The following TMEM132D variants were observed in gnomAD, a reference collection of about 807,000 sequenced individuals.
The protein encoded by TMEM132D is mature OL transmembrane protein.
Under a neutral mutation model 62.3 loss-of-function variants are expected in TMEM132D, and 21 were observed. The observed-to-expected ratio is 0.34, with a 90% CI of 0.24 to 0.49. The LOEUF is 0.49. Ranked by LOEUF, TMEM132D falls within the 20% of genes least tolerant of loss-of-function variation. The pLI, the probability that TMEM132D is intolerant of heterozygous loss-of-function variation, is 0.99. For missense variants in TMEM132D, 1,346 were observed against 1,402.8 expected (o/e 0.96, Z 0.65); for synonymous variants, 621 against 575.6 (o/e 1.08, Z -1.13).
chr12:129,163,859 T>A (rs575826001), intron 5 of TMEM132D, among the ~76,000 whole-genome samples: 6 of 152,350 alleles, frequency 3.9e-5, no homozygotes, highest in African/African-American at 1.4e-4. Flanking sequence ...TAATCCAGGC[T>A]TATCTTGTTT....
At position 129,303,939 on chromosome 12, in the gene TMEM132D, G is replaced by C. The variant is rs959635661; in HGVS notation, c.1299+33695C>G. On this transcript the variant is annotated intron_variant, in intron 4 of 8. Coordinates refer to ENST00000422113, the MANE Select transcript of TMEM132D (RefSeq NM_133448.3). ...GAAGTCCCAGCTCAAGAAGACAGAG[G>C]GGAAATTCACCCTGCCTCCACCTTT... is the stretch of plus-strand genomic sequence containing the variant. Among the ~76,000 whole-genome samples the C allele has an allele frequency of 2.0e-5, 3 of 152,120 alleles. No homozygotes were observed. The East Asian group carries it at 5.8e-4, about 29-fold the overall frequency.
At position 129,079,649 on chromosome 12, in the gene TMEM132D, T is replaced by C. The variant is rs574841056; in HGVS notation, c.1924-924A>G. ...TTCAAGTTTTTGGTGATATTTATGA[T>C]GTAGGTCAAGACAGCAGTTTTCCCA... On this transcript the variant is annotated intron_variant, in intron 7 of 8. Transcript: ENST00000422113. 4.6e-5 allele frequency among the ~76,000 whole-genome samples: 7 copies of C among 152,308 alleles called. No individual in the cohort carries two copies. In the East Asian group the frequency reaches 7.7e-4, roughly 17 times the overall value.
At chr12:129,318,813 G>A (rs1593335405) in intron 4 of TMEM132D, among the ~76,000 whole-genome samples, 1 of 152,292 alleles carries the variant, frequency 6.6e-6, no homozygotes, top group East Asian at 1.9e-4. Context: ...TGCTATGGGG[G>A]ATGGAGGTGA....
intron 3 of TMEM132D, among the ~76,000 whole-genome samples, chr12:129,438,965 T>C (rs1872866264): frequency 6.6e-6 from 1 of 152,230 alleles, no homozygotes; most frequent in Admixed American, 6.5e-5. Flanking sequence ...TGCAATTCTC[T>C]GCAGGATCAC....
intron 5 of TMEM132D, among the ~76,000 whole-genome samples, chr12:129,097,820 C>CA (rs777430171): frequency 6.6e-6 from 1 of 152,332 alleles, no homozygotes; most frequent in Non-Finnish European, 1.5e-5. Context: ...ATTCTTATGT[C>CA]AAAAACACAT....
chr12:129,448,549 C>T (rs962235178), intron 3 of TMEM132D, among the ~76,000 whole-genome samples: 7 of 152,186 alleles, frequency 4.6e-5, no homozygotes, highest in South Asian at 4.1e-4. Flanking sequence ...CTGCAAAGGA[C>T]TTGATTCTCG....
chr12:129,844,552 G>A (rs1328734726), intron 1 of TMEM132D, among the ~76,000 whole-genome samples: 1 of 152,134 alleles, frequency 6.6e-6, no homozygotes, highest in Non-Finnish European at 1.5e-5. Context: ...AAGCTCATCG[G>A]GTTTAAAAGA....
chr12:129,124,075 T>C (rs1383171103), intron 5 of TMEM132D, among the ~76,000 whole-genome samples: 1 of 152,186 alleles, frequency 6.6e-6, no homozygotes, highest in Non-Finnish European at 1.5e-5. Context: ...TCTGCTTCTC[T>C]GGAGAACCCC....
intron 2 of TMEM132D, among the ~76,000 whole-genome samples, chr12:129,671,009 A>T (rs150934588): frequency 1.7e-4 from 26 of 152,358 alleles, no homozygotes; most frequent in African/African-American, 5.5e-4. Context: ...AGCTTTTGTT[A>T]AAAAATCTTG....
chr12:129,369,379 T>TA (rs1011676533), intron 3 of TMEM132D, among the ~76,000 whole-genome samples: 4 of 144,506 alleles, frequency 2.8e-5, no homozygotes, highest in South Asian at 2.2e-4. Flanking sequence ...TTTTTTTTTT[T>TA]AAATTAATTC....
intron 3 of TMEM132D, among the ~76,000 whole-genome samples, chr12:129,528,201 C>A (rs1156973920): frequency 1.3e-5 from 2 of 152,144 alleles, no homozygotes; most frequent in Non-Finnish European, 2.9e-5. Context: ...AACATCTACT[C>A]TATAATCCAT....
At chr12:129,580,962 GACA>G (rs1412769192) in intron 2 of TMEM132D, among the ~76,000 whole-genome samples, 1 of 152,098 alleles carries the variant, frequency 6.6e-6, no homozygotes, top group Non-Finnish European at 1.5e-5. Flanking sequence ...GCAATGCACG[GACA>G]ACATTACTGG....
chr12:129,616,293 C>T (rs1248720367), intron 2 of TMEM132D, among the ~76,000 whole-genome samples: 1 of 152,130 alleles, frequency 6.6e-6, no homozygotes, highest in African/African-American at 2.4e-5. Flanking sequence ...TATTTGCTTA[C>T]ATGAAACCCA....
At chr12:129,278,898 A>T (rs1341856962) in intron 4 of TMEM132D, among the ~76,000 whole-genome samples, 1 of 152,140 alleles carries the variant, frequency 6.6e-6, no homozygotes, top group Non-Finnish European at 1.5e-5. Flanking sequence ...ATAGGCCTGG[A>T]TGGGGCCAAG....
chr12:129,167,349 C>T (rs1322245021), intron 5 of TMEM132D, among the ~76,000 whole-genome samples: 1 of 152,026 alleles, frequency 6.6e-6, no homozygotes, highest in African/African-American at 2.4e-5. Flanking sequence ...GCAGAAACGT[C>T]GATTTGCTAG....
chr12:129,266,899 C>T (rs1218285759), intron 4 of TMEM132D, among the ~76,000 whole-genome samples: 1 of 152,116 alleles, frequency 6.6e-6, no homozygotes, highest in Non-Finnish European at 1.5e-5. Context: ...CAGAGCTCTA[C>T]CTCCTCTCAC....
At position 129,076,496 on chromosome 12, in the gene TMEM132D, T is replaced by G. The variant is rs562441588; in HGVS notation, c.2116-1437A>C. Among the ~76,000 whole-genome samples the G allele has an allele frequency of 5.3e-5, 8 of 152,290 alleles. No individual in the cohort carries two copies. The South Asian group carries it at 1.7e-3, about 32-fold the overall frequency. On this transcript the variant is annotated intron_variant, in intron 8 of 8. Coordinates refer to ENST00000422113, the MANE Select transcript of TMEM132D (RefSeq NM_133448.3). ...TTAGTCTTTGGAAGTAAGAAGAAAGTCTCCTCAAATGTGGCTGGTGGCCTC... is the reference window on the plus strand; with the variant it reads ...TTAGTCTTTGGAAGTAAGAAGAAAGGCTCCTCAAATGTGGCTGGTGGCCTC...
chr12:129,880,630 A>T (rs947164770), intron 1 of TMEM132D, among the ~76,000 whole-genome samples: 2 of 152,214 alleles, frequency 1.3e-5, no homozygotes. Flanking sequence ...TGATTACACC[A>T]CACGCGAAGT....
chr12:129,376,526 C>A (rs1476459063), intron 3 of TMEM132D, among the ~76,000 whole-genome samples: 1 of 152,116 alleles, frequency 6.6e-6, no homozygotes. Flanking sequence ...ATGGGAGACA[C>A]AATTCAAGAT....
Sources: gnomAD v4.1 joint callset for allele counts (sites outside exome capture counted in the v4.1 genomes callset) on GRCh38, gnomAD v4.1.1 for gene constraint, MANE v1.5 for transcripts, NCBI Gene and HGNC (gene_info 2026-07-23, HGNC 2026-07-21) for gene names.